LRRK2: variants seen among roughly 807,000 people sequenced by gnomAD.
The protein encoded by LRRK2 is leucine-rich repeat serine/threonine-protein kinase 2.
LRRK2 carries 203 observed loss-of-function variants against 302.6 expected under a neutral mutation model. The observed-to-expected ratio is 0.67, with a 90% CI of 0.60 to 0.75. The LOEUF (loss-of-function observed/expected upper bound fraction) is 0.75. Ranked by LOEUF, LRRK2 falls within the 30% of genes least tolerant of loss-of-function variation. The probability of loss-of-function intolerance (pLI) is 0.00; values close to 1 mark genes in which losing one functional copy is unlikely to be tolerated. For synonymous variants in LRRK2, 1,066 were observed against 1,031.9 expected (o/e 1.03, Z -0.63); for missense variants, 2,830 against 2,951.0 (o/e 0.96, Z 0.95).
In LRRK2 at chr12:40,321,037, G is replaced by A. The variant is rs1323591086; in HGVS notation, c.5019G>A (p.Leu1673=). The A allele has an allele frequency of 1.1e-5, 18 of 1,612,514 alleles. No individual in the cohort carries two copies. Among genetic ancestry groups the A allele is most frequent in the Non-Finnish European group, 1.5e-5 (18 of 1,178,792 alleles). ...CATAGTGTCCTTTTGCCTTTAGTTT[G>A]TCTGACCACAGGCCTGTGATAGAGC... The part of the protein sequence containing the change: ...GEEYLLVPSS[L]SDHRPVIELP... Residue 1673 remains leucine, a synonymous_variant, in exon 35 of 51, where the codon TTG becomes TTA. Transcript: ENST00000298910.
In LRRK2 at chr12:40,320,085, C is replaced by T; in HGVS notation, c.4925C>T (p.Pro1642Leu). 1 of 1,611,284 alleles carries T rather than the reference C, an allele frequency of 6.2e-7. No individual in the cohort carries two copies. The highest frequency in any genetic ancestry group is 8.5e-7 in the Non-Finnish European group (1 of 1,178,592). Residue 1642 changes from proline to leucine, a missense_variant, in exon 34 of 51, where the codon CCA (proline) becomes CTA (leucine). By Grantham distance (98) the Pro-to-Leu change is moderately conservative (BLOSUM62 -3). Coordinates refer to ENST00000298910, the MANE Select transcript of LRRK2 (RefSeq NM_198578.4). ...EKFLSKKRKF[P>L]KNYMSQYFKL... Reference sequence around the variant, plus strand: ...TTTCTTTCAAAAAAAAGGAAATTTCCAAAGAACTACATGTCACAGTATTTT... The same window carrying T: ...TTTCTTTCAAAAAAAAGGAAATTTCTAAAGAACTACATGTCACAGTATTTT...
chr12:40,361,532 C>CAGTATA (rs1043483196), intron 47 of LRRK2, among the ~76,000 whole-genome samples: 14 of 151,976 alleles, frequency 9.2e-5, no homozygotes, highest in Admixed American at 4.6e-4. Context: ...CCCAATTATA[C>CAGTATA]AAGCCTGAAA....
chr12:40,264,607 G>A (rs1242694283), intron 14 of LRRK2, among the ~76,000 whole-genome samples: 1 of 152,230 alleles, frequency 6.6e-6, no homozygotes, highest in Non-Finnish European at 1.5e-5. Context: ...CGACAAGAGT[G>A]AGACTTCGTC....
intron 14 of LRRK2, among the ~76,000 whole-genome samples, chr12:40,266,247 T>TACTGGAACTG (rs1397326814): frequency 1.3e-5 from 2 of 151,964 alleles, no homozygotes; most frequent in Non-Finnish European, 2.9e-5. Context: ...TTTTGCAATC[T>TACTGGAACTG]ACTCATCTGA....
intron 46 of LRRK2, among the ~76,000 whole-genome samples, chr12:40,358,015 G>T (rs1946594526): frequency 6.6e-6 from 1 of 151,470 alleles, no homozygotes; most frequent in African/African-American, 2.4e-5. Flanking sequence ...CAATCCTCCT[G>T]CCTCATCTTC....
At chr12:40,246,066 C>T (rs1161617810) in intron 7 of LRRK2, among the ~76,000 whole-genome samples, 2 of 151,802 alleles carry the variant, frequency 1.3e-5, no homozygotes, top group East Asian at 3.9e-4. Flanking sequence ...AATATTCTCC[C>T]ATCCAAAATA....
At chr12:40,254,280 A>G (rs977528695) in intron 11 of LRRK2, among the ~76,000 whole-genome samples, 1 of 152,156 alleles carries the variant, frequency 6.6e-6, no homozygotes, top group African/African-American at 2.4e-5. Context: ...AAATAAAGCA[A>G]CCACCTCATG....
At chr12:40,312,942 G>C (rs1275712446) in intron 31 of LRRK2, 1 of 118,036 alleles carries the variant, frequency 8.5e-6, no homozygotes, top group Non-Finnish European at 1.9e-5. Flanking sequence ...TCTGGGTTAA[G>C]AGATACATGA....
At chr12:40,264,596 G>A (rs1190855216) in intron 14 of LRRK2, among the ~76,000 whole-genome samples, 4 of 152,228 alleles carry the variant, frequency 2.6e-5, no homozygotes, top group Non-Finnish European at 5.9e-5. Context: ...TCCAGCTTGG[G>A]CGACAAGAGT....
At chr12:40,362,481 C>T (rs903744015) in intron 47 of LRRK2, among the ~76,000 whole-genome samples, 1 of 152,040 alleles carries the variant, frequency 6.6e-6, no homozygotes. Flanking sequence ...CAACTGTTTA[C>T]TGGACGAGGG....
At chr12:40,354,519 G>A in intron 45 of LRRK2, 27 bp downstream of exon 45, 3 of 1,583,572 alleles carry the variant, frequency 1.9e-6, no homozygotes, top group Non-Finnish European at 2.6e-6. Context: ...GATCAATGGG[G>A]AAATTACAGA....
At position 40,310,669 on chromosome 12, in the gene LRRK2, GA is replaced by G; in HGVS notation, c.4536+21del. 6.2e-7 allele frequency: 1 copy of G among 1,608,732 alleles called. No individual in the cohort carries two copies. The highest frequency in any genetic ancestry group is 1.3e-5 in the African/African-American group (1 of 74,766). ...TTCAAGGTAACATGGTAGGCTGGTAGAGAAATGTAATTTATTGATTCTCAAC... is the reference window on the plus strand; with the variant it reads ...TTCAAGGTAACATGGTAGGCTGGTAGGAAATGTAATTTATTGATTCTCAAC... On this transcript the variant is annotated intron_variant, in intron 31 of 50. Coordinates refer to ENST00000298910, the MANE Select transcript of LRRK2 (RefSeq NM_198578.4).
At chr12:40,241,437 G>T (rs1312472173) in intron 6 of LRRK2, among the ~76,000 whole-genome samples, 1 of 143,418 alleles carries the variant, frequency 7.0e-6, no homozygotes, top group Non-Finnish European at 1.5e-5. Context: ...TTGCTATTAG[G>T]CTAAAATAAT....
intron 5 of LRRK2, among the ~76,000 whole-genome samples, chr12:40,240,127 C>T (rs530478079): frequency 6.6e-6 from 1 of 152,264 alleles, no homozygotes; most frequent in South Asian, 2.1e-4. Context: ...TTAAATATTG[C>T]AATATGTCCA....
chr12:40,260,782 C>T (rs1467728034), intron 13 of LRRK2, among the ~76,000 whole-genome samples: 2 of 152,038 alleles, frequency 1.3e-5, no homozygotes, highest in Non-Finnish European at 2.9e-5. Flanking sequence ...GCAATGGAAA[C>T]ACAGATGAGA....
rs1945430061 is a variant in LRRK2 at position 40,322,394 on chromosome 12, T to C, written c.5393T>C (p.Ile1798Thr). ...MEEWFPGLLEIDICGEGETLL... is the reference protein window; with the variant it reads ...MEEWFPGLLETDICGEGETLL... Reference sequence around the variant, plus strand: ...GAATGGTTTCCTGGGTTGCTGGAGATTGATATTTGTGGTGAAGGAGAAACT... The same window carrying C: ...GAATGGTTTCCTGGGTTGCTGGAGACTGATATTTGTGGTGAAGGAGAAACT... The change falls in exon 37 of 51, where the codon ATT (isoleucine) becomes ACT (threonine). Residue 1798 changes from isoleucine (I) to threonine (T), a missense_variant. By Grantham distance (89) the Ile-to-Thr change is moderately conservative (BLOSUM62 -1). Around this residue, in one of 3 missense-constraint regions of LRRK2, gnomAD observed 2,121 missense variants for 2,148.0 expected, o/e 0.99. Coordinates refer to ENST00000298910, the MANE Select transcript of LRRK2 (RefSeq NM_198578.4). 6.2e-7 allele frequency: 1 copy of C among 1,613,628 alleles called. No individual in the cohort carries two copies. Among genetic ancestry groups the C allele is most frequent in the Non-Finnish European group, 8.5e-7 (1 of 1,179,660 alleles).
In LRRK2 at chr12:40,351,571, C is replaced by T. The variant is rs201942181; in HGVS notation, c.6414C>T (p.Val2138=). The T allele has an allele frequency of 6.8e-6, 11 of 1,614,124 alleles. No homozygotes were observed. The highest frequency in any genetic ancestry group is 9.3e-6 in the Non-Finnish European group (11 of 1,180,026). The change falls in exon 44 of 51, where the codon GTC becomes GTT. Residue 2138 remains valine (V), a synonymous_variant. Coordinates refer to ENST00000298910, the MANE Select transcript of LRRK2 (RefSeq NM_198578.4). ...ACATTTTGAATTCAGCTGAATTAGT[C>T]TGTCTGACGAGACGCATTTTATTAC... ...VFDILNSAEL[V]CLTRRILLPK...
Position 40,298,741 on chromosome 12 carries a change from C to T in LRRK2, c.3347+248C>T, listed in dbSNP as rs7962011. Among the ~76,000 whole-genome samples the T allele has an allele frequency of 0.37, 46,624 of 124,368 alleles. 9,309 individuals carry two copies. Among genetic ancestry groups the T allele is most frequent in the South Asian group, 0.51 (1,851 of 3,604 alleles). 81.6% of individuals were successfully genotyped at this position (124,368 alleles called of 152,430 possible). On this transcript the variant is annotated intron_variant, in intron 24 of 50. Transcript: ENST00000298910. The stretch of plus-strand genomic sequence containing the variant: ...GAGCCGAGATCGTGCCATTGCACTC[C>T]AGCCTGGGTGACAGAGGCGAGACTC...
intron 6 of LRRK2, among the ~76,000 whole-genome samples, chr12:40,242,524 C>T (rs952754560): frequency 1.3e-5 from 2 of 151,784 alleles, no homozygotes; most frequent in African/African-American, 2.4e-5. Context: ...TTCGTTCTCC[C>T]ATCTTTTCTT....
Sources: allele counts gnomAD v4.1 joint callset (sites outside exome capture counted in the v4.1 genomes callset), GRCh38; gene constraint gnomAD v4.1.1; regional missense constraint gnomAD v4.1.1; transcripts MANE v1.5; gene names NCBI Gene and HGNC (gene_info 2026-07-23, HGNC 2026-07-21).